ARL6IP6: variants seen among roughly 807,000 people sequenced by gnomAD.
ARL6IP6 encodes the protein ARF like GTPase 6 interacting protein 6.
In ARL6IP6, 22 loss-of-function variants were observed where a neutral mutation model predicts 21.5. That is an observed-to-expected ratio of 1.02 (90% CI 0.73 to 1.46). The LOEUF is 1.46. Ranked by LOEUF, ARL6IP6 falls within the 40% of genes most tolerant of loss-of-function variation. ARL6IP6 has a pLI of 0.00. For missense variants in ARL6IP6, 388 were observed against 299.8 expected, an observed-to-expected ratio of 1.29 and a Z score of -2.17; for synonymous variants, 164 against 125.3, an observed-to-expected ratio of 1.31 and a Z score of -2.06.
At chr2:152,717,905 G>A (rs1240656638), upstream of ARL6IP6, 2 of 1,002,872 alleles carry the variant, frequency 2.0e-6, no homozygotes, top group South Asian at 4.0e-5. Context: ...GGGACCGAAT[G>A]CGCGCGCGCG....
chr2:152,747,990 C>G (rs924618820), intron 3 of ARL6IP6, among the ~76,000 whole-genome samples: 1 of 152,176 alleles, frequency 6.6e-6, no homozygotes, highest in East Asian at 1.9e-4. Context: ...CATGAGTCAC[C>G]GCATCCAGCC....
chr2:152,756,901 TCTACTC>T (rs538390723), intron 3 of ARL6IP6, among the ~76,000 whole-genome samples: 85 of 152,266 alleles, frequency 5.6e-4, no homozygotes, highest in East Asian at 3.5e-3. Context: ...ACTCAGCAGT[TCTACTC>T]CTAGGATCTA....
intron 3 of ARL6IP6, among the ~76,000 whole-genome samples, chr2:152,758,758 G>A (rs1011667686): frequency 3.3e-5 from 5 of 152,138 alleles, no homozygotes; most frequent in African/African-American, 4.8e-5. Flanking sequence ...GATATTGTGC[G>A]ACTGGAATCA....
In ARL6IP6 at chr2:152,762,018, T is replaced by G. The variant is rs16831745; in HGVS notation, c.*2178T>G. Among the ~76,000 whole-genome samples, 1 of 152,118 alleles carries G rather than the reference T, an allele frequency of 6.6e-6. No individual in the cohort carries two copies. The highest frequency in any genetic ancestry group is 1.5e-5 in the Non-Finnish European group (1 of 68,040). On this transcript the variant is annotated 3_prime_UTR_variant, in exon 4 of 4. Coordinates refer to ENST00000326446, the MANE Select transcript of ARL6IP6 (RefSeq NM_152522.7). ...ACTCCCCTTTTTTGGGAAATGACCC[T>G]CCTCTCTCCAGTCTGACACAGGGTC...
intron 3 of ARL6IP6, among the ~76,000 whole-genome samples, chr2:152,742,037 A>G (rs1037094127): frequency 6.6e-6 from 1 of 152,192 alleles, no homozygotes; most frequent in Admixed American, 6.5e-5. Context: ...ATAATTCATT[A>G]TCCTGCTTCT....
intron 1 of ARL6IP6, 161 bp from the exon 2 acceptor site, chr2:152,720,372 T>G: frequency 1.5e-6 from 1 of 672,238 alleles, no homozygotes. Context: ...ATTAATTTGC[T>G]TGCTGAAGGT....
Position 152,759,860 on chromosome 2 carries a change from T to G in ARL6IP6, c.*20T>G, listed in dbSNP as rs954807539. On this transcript the variant is annotated 3_prime_UTR_variant, in exon 4 of 4. Transcript: ENST00000326446. ...ATGTAAACCCACACTGGAGCGATAT[T>G]GTTGGCAAAACTTAATCATGATTGT... 4 of 1,587,522 alleles carry G rather than the reference T, an allele frequency of 2.5e-6. No homozygotes were observed. The African/African-American group carries it at 4.0e-5, about 16-fold the overall frequency.
intron 3 of ARL6IP6, 37 bp downstream of exon 3, chr2:152,735,163 A>G (rs1258827981): frequency 6.2e-7 from 1 of 1,606,656 alleles, no homozygotes; most frequent in Non-Finnish European, 8.5e-7. Context: ...TTTTAAATGC[A>G]TTTCAACTCT....
chr2:152,738,121 G>A (rs919083546), intron 3 of ARL6IP6, among the ~76,000 whole-genome samples: 19 of 152,178 alleles, frequency 1.2e-4, no homozygotes, highest in African/African-American at 4.6e-4. Context: ...ATTCAGTAGG[G>A]CAGTCAAATC....
At chr2:152,758,094 T>C (rs1453775680) in intron 3 of ARL6IP6, among the ~76,000 whole-genome samples, 7 of 152,186 alleles carry the variant, frequency 4.6e-5, no homozygotes, top group African/African-American at 1.7e-4. Context: ...CACACAGGTA[T>C]CAACATCTGA....
intron 2 of ARL6IP6, among the ~76,000 whole-genome samples, chr2:152,722,580 A>T (rs1201161241): frequency 1.3e-5 from 2 of 152,184 alleles, no homozygotes; most frequent in African/African-American, 4.8e-5. Flanking sequence ...TCAGTGAAAC[A>T]GGGCCAAGAT....
chr2:152,724,188 G>C (rs368162356), intron 2 of ARL6IP6, among the ~76,000 whole-genome samples: 273 of 150,618 alleles, frequency 1.8e-3, no homozygotes, highest in African/African-American at 5.5e-3. Context: ...CTGGGTTTCC[G>C]AATTGATTGG....
chr2:152,737,800 A>G (rs928982156), intron 3 of ARL6IP6, among the ~76,000 whole-genome samples: 2 of 152,110 alleles, frequency 1.3e-5, no homozygotes, highest in Non-Finnish European at 2.9e-5. Context: ...GCAATTCAAG[A>G]TGAGATTTGG....
At chr2:152,720,412 G>A (rs776211455) in intron 1 of ARL6IP6, 121 bp from the exon 2 acceptor site, 1 of 915,484 alleles carries the variant, frequency 1.1e-6, no homozygotes, top group East Asian at 2.5e-5. Flanking sequence ...ATCAGAATTT[G>A]AACCCAGTTC....
chr2:152,717,709 G>C (rs1053740857), upstream of ARL6IP6: 6 of 1,379,678 alleles, frequency 4.3e-6, no homozygotes, highest in Admixed American at 1.5e-4. Flanking sequence ...ACTTCCCCAG[G>C]GGAAGGGAAG....
intron 3 of ARL6IP6, among the ~76,000 whole-genome samples, chr2:152,740,543 TAC>T (rs1700760604): frequency 6.6e-6 from 1 of 151,876 alleles, no homozygotes; most frequent in African/African-American, 2.4e-5. Flanking sequence ...ATATAAAATA[TAC>T]ACATTCATTT....
chr2:152,726,886 T>C (rs1700073916), intron 2 of ARL6IP6, among the ~76,000 whole-genome samples: 1 of 152,344 alleles, frequency 6.6e-6, no homozygotes, highest in Middle Eastern at 3.4e-3. Flanking sequence ...ATTACCAATC[T>C]AGTTTTATAT....
chr2:152,753,082 C>T (rs1042873701), intron 3 of ARL6IP6, among the ~76,000 whole-genome samples: 1 of 151,758 alleles, frequency 6.6e-6, no homozygotes, highest in Non-Finnish European at 1.5e-5. Flanking sequence ...GAGGCTGCAA[C>T]GAGCCATGAT....
chr2:152,721,194 A>G (rs887466846), intron 2 of ARL6IP6, among the ~76,000 whole-genome samples: 1 of 152,232 alleles, frequency 6.6e-6, no homozygotes, highest in Non-Finnish European at 1.5e-5. Flanking sequence ...GTCCAGAGAA[A>G]TATTTAACAT....
Sources: allele counts gnomAD v4.1 joint callset (sites outside exome capture counted in the v4.1 genomes callset), GRCh38; gene constraint gnomAD v4.1.1; transcripts MANE v1.5; gene names NCBI Gene and HGNC (gene_info 2026-07-23, HGNC 2026-07-21).